BPIFB6: variants seen among roughly 807,000 people sequenced by gnomAD.
The protein encoded by BPIFB6 is BPI fold-containing family B member 6.
BPIFB6 carries 47 observed loss-of-function variants against 54.7 expected under a neutral mutation model. The observed-to-expected ratio is 0.86, with a 90% CI of 0.68 to 1.10. The LOEUF (loss-of-function observed/expected upper bound fraction) is 1.10. Ranked by LOEUF, BPIFB6 falls within the 50% of genes least tolerant of loss-of-function variation. BPIFB6 has a pLI of 0.00. For synonymous variants in BPIFB6, 255 were observed against 225.9 expected (o/e 1.13, Z -1.16); for missense variants, 603 against 564.1 (o/e 1.07, Z -0.70).
intron 7 of BPIFB6, among the ~76,000 whole-genome samples, chr20:33,037,039 T>C (rs971318829): frequency 1.3e-5 from 2 of 152,086 alleles, no homozygotes; most frequent in African/African-American, 4.8e-5. Context: ...CATTGAGACC[T>C]TGGGGGAGGG....
Position 33,039,798 on chromosome 20 carries a change from A to G in BPIFB6, c.1074+278A>G, listed in dbSNP as rs531725586. On this transcript the variant is annotated intron_variant, in intron 10 of 14. Transcript: ENST00000349552. ...TGCACTGAAGGGACTGTGGGTGCCT[A>G]GGGAGATTCCCAAATCCAATTTGGG... 4.6e-5 allele frequency among the ~76,000 whole-genome samples: 7 copies of G among 152,364 alleles called. No homozygotes were observed. In the South Asian group the frequency reaches 1.5e-3, roughly 32 times the overall value.
chr20:33,034,324 G>A lies in BPIFB6; in HGVS notation c.302+34G>A, dbSNP rs561495589. On this transcript the variant is annotated intron_variant, in intron 3 of 14. Transcript: ENST00000349552. ...GGCAGGGGAGGGGCAGCGGGGAGGAGAACGGCCTTCCTGTCTCATCCTTAC... is the reference window on the plus strand; with the variant it reads ...GGCAGGGGAGGGGCAGCGGGGAGGAAAACGGCCTTCCTGTCTCATCCTTAC... 4.9e-6 allele frequency: 7 copies of A among 1,437,544 alleles called. No individual in the cohort carries two copies. The South Asian group carries it at 6.9e-5, about 14-fold the overall frequency. 89.0% of individuals were successfully genotyped at this position (1,437,544 alleles called of 1,614,324 possible).
chr20:33,038,745 T>C (rs529079953), intron 8 of BPIFB6, among the ~76,000 whole-genome samples, 164 bp from the exon 9 acceptor site: 5 of 152,348 alleles, frequency 3.3e-5, no homozygotes, highest in Admixed American at 2.6e-4. Flanking sequence ...GTGTAAGTCA[T>C]CACCTGGGCT....
intron 5 of BPIFB6, 77 bp from the exon 6 acceptor site, chr20:33,035,535 C>A: frequency 6.8e-7 from 1 of 1,465,604 alleles, no homozygotes; most frequent in Non-Finnish European, 9.6e-7. Flanking sequence ...CTTGGGATGG[C>A]CCGTGGTGTA....
At chr20:33,038,468 C>T (rs921908317) in intron 8 of BPIFB6, among the ~76,000 whole-genome samples, 9 of 152,156 alleles carry the variant, frequency 5.9e-5, no homozygotes, top group African/African-American at 2.2e-4. Context: ...TTCATCCACC[C>T]ACCCATCTTT....
intron 11 of BPIFB6, 75 bp downstream of exon 11, chr20:33,040,393 T>G: frequency 2.1e-6 from 3 of 1,412,082 alleles, no homozygotes; most frequent in Non-Finnish European, 3.0e-6. Flanking sequence ...CACCCCACAC[T>G]ACCGAGCTGA....
chr20:33,036,410 G>A (rs1294676327), intron 6 of BPIFB6, 35 bp from the exon 7 acceptor site: 2 of 1,566,118 alleles, frequency 1.3e-6, no homozygotes, highest in East Asian at 2.3e-5. Context: ...TCCTGGGGTT[G>A]GTGCCTCTTT....
rs944839542 is a variant in BPIFB6 at position 33,033,089 on chromosome 20, T to C, written c.197+6T>C. 2.5e-6 allele frequency: 4 copies of C among 1,607,782 alleles called. No individual in the cohort carries two copies. The highest frequency in any genetic ancestry group is 2.6e-6 in the Non-Finnish European group (3 of 1,174,942). ...CCTATCAAGGGCATCACCAAGTGAGTAGGGGAGGGGAGCTGGAGGGTGGTG... is the reference window on the plus strand; with the variant it reads ...CCTATCAAGGGCATCACCAAGTGAGCAGGGGAGGGGAGCTGGAGGGTGGTG... On this transcript the variant is annotated splice_donor_region_variant and intron_variant, in intron 2 of 14. Coordinates refer to ENST00000349552, the MANE Select transcript of BPIFB6 (RefSeq NM_174897.2).
At chr20:33,043,257 G>A in intron 13 of BPIFB6, 34 bp from the exon 14 acceptor site, 2 of 1,598,012 alleles carry the variant, frequency 1.3e-6, no homozygotes, top group Non-Finnish European at 1.7e-6. Flanking sequence ...CTGCACAGCA[G>A]TCAGGCTGAT....
chr20:33,032,259 G>A (rs1364855154), intron 1 of BPIFB6, among the ~76,000 whole-genome samples: 1 of 152,166 alleles, frequency 6.6e-6, no homozygotes, highest in South Asian at 2.1e-4. Context: ...CTAGCACAAG[G>A]GAAACCGAGT....
chr20:33,043,797 C>T (rs1226798761), intron 14 of BPIFB6, among the ~76,000 whole-genome samples: 1 of 152,146 alleles, frequency 6.6e-6, no homozygotes, highest in African/African-American at 2.4e-5. Context: ...GATCTCTCTG[C>T]TCTGGGAGGT....
chr20:33,033,548 T>A (rs74645632), intron 2 of BPIFB6: 12,937 of 456,618 alleles, frequency 0.028, 288 homozygotes, highest in Non-Finnish European at 0.047. Context: ...CTGTCTGCAC[T>A]CGGCAGGAAC....
chr20:33,043,219 C>T (rs1979666465), intron 13 of BPIFB6, 72 bp from the exon 14 acceptor site: 1 of 1,346,942 alleles, frequency 7.4e-7, no homozygotes, highest in Middle Eastern at 1.8e-4. Context: ...CCCACTATCC[C>T]TACCCCAGGC....
In BPIFB6 at chr20:33,040,232, T is replaced by A; in HGVS notation, c.1075-19T>A. The A allele has an allele frequency of 6.2e-7, 1 of 1,613,124 alleles. No homozygotes were observed. Among genetic ancestry groups the A allele is most frequent in the Non-Finnish European group, 8.5e-7 (1 of 1,179,248 alleles). ...GGGGAACCCACTGCCTTCTCCCTGC[T>A]TCCTCCCCACCATGCCAGCACTTCA... On this transcript the variant is annotated intron_variant, in intron 10 of 14. Coordinates refer to ENST00000349552, the MANE Select transcript of BPIFB6 (RefSeq NM_174897.2).
chr20:33,042,018 A>T lies in BPIFB6; in HGVS notation c.1188+3A>T, dbSNP rs1477747352. 1.2e-5 allele frequency: 20 copies of T among 1,613,314 alleles called. No homozygotes were observed. Among genetic ancestry groups the T allele is most frequent in the Non-Finnish European group, 1.5e-5 (18 of 1,179,424 alleles). ...CCTCATCGATTGGCAACTTCAATGT[A>T]AGTGTCCCAAGTGCTCTTGCCTGTC... On this transcript the variant is annotated splice_donor_region_variant and intron_variant, in intron 12 of 14. Coordinates refer to ENST00000349552, the MANE Select transcript of BPIFB6 (RefSeq NM_174897.2).
chr20:33,035,040 G>A (rs747247004), intron 4 of BPIFB6, 41 bp from the exon 5 acceptor site: 16 of 1,611,898 alleles, frequency 9.9e-6, no homozygotes, highest in Non-Finnish European at 5.1e-6. Context: ...TCCTGCACTG[G>A]TGCACCTGCC....
In BPIFB6 at chr20:33,042,005, G is replaced by A. The variant is rs760328974; in HGVS notation, c.1178G>A (p.Gly393Asp). ...TTGTCCCGGAAGTCCTCATCGATTGGCAACTTCAATGTAAGTGTCCCAAGT... is the reference window on the plus strand; with the variant it reads ...TTGTCCCGGAAGTCCTCATCGATTGACAACTTCAATGTAAGTGTCCCAAGT... ...LSLSRKSSSI[G>D]NFNERELTGF... Residue 393 changes from glycine to aspartate, a missense_variant, in exon 12 of 15, where the codon GGC (glycine) becomes GAC (aspartate). By Grantham distance (94) the Gly-to-Asp change is moderately conservative. Coordinates refer to ENST00000349552, the MANE Select transcript of BPIFB6 (RefSeq NM_174897.2). The A allele has an allele frequency of 5.9e-5, 96 of 1,613,942 alleles. 3 individuals are homozygous for A. In the Middle Eastern group the frequency reaches 2.1e-3, roughly 36 times the overall value.
At chr20:33,041,871 G>A (rs1403819278) in intron 11 of BPIFB6, 99 bp from the exon 12 acceptor site, 4 of 1,052,670 alleles carry the variant, frequency 3.8e-6, no homozygotes, top group Non-Finnish European at 4.3e-6. Flanking sequence ...CATCAGGGAG[G>A]CGTTGGGGTG....
At chr20:33,032,944 G>A (rs778842908) in intron 1 of BPIFB6, 40 bp from the exon 2 acceptor site, 1 of 1,526,504 alleles carries the variant, frequency 6.6e-7, no homozygotes, top group Non-Finnish European at 9.1e-7. Flanking sequence ...TGAGTGATTG[G>A]CCCAGGGAAA....
Sources: allele counts gnomAD v4.1 joint callset (sites outside exome capture counted in the v4.1 genomes callset), GRCh38; gene constraint gnomAD v4.1.1; transcripts MANE v1.5; gene names NCBI Gene and HGNC (gene_info 2026-07-23, HGNC 2026-07-21).